Variants in NLRP4 observed in about 807,000 individuals in gnomAD.
The protein encoded by NLRP4 is NACHT, LRR and PYD domains-containing protein 4.
A neutral mutation model predicts 84.7 loss-of-function variants in NLRP4; 44 were observed. The ratio of observed to expected loss-of-function variants is 0.52; its 90% CI spans 0.41 to 0.67. The LOEUF is 0.67. Ranked by LOEUF, NLRP4 falls within the 30% of genes least tolerant of loss-of-function variation. NLRP4 has a pLI of 0.00. For synonymous variants in NLRP4, 544 were observed against 476.4 expected (o/e 1.14, Z -1.85); for missense variants, 1,260 against 1,219.4 (o/e 1.03, Z -0.50).
At position 55,853,837 on chromosome 19, in the gene NLRP4, C is replaced by T. The variant is rs1984282380; in HGVS notation, c.280+1477C>T. ...TTTCTTTCTTGCTGTCTCTTTCTCT[C>T]TCTCGTTCTGTCTTTCTCTCTCTTC... On this transcript the variant is annotated intron_variant, in intron 2 of 9. Coordinates refer to ENST00000301295, the MANE Select transcript of NLRP4 (RefSeq NM_134444.5). Among the ~76,000 whole-genome samples, 4 of 151,736 alleles carry T rather than the reference C, an allele frequency of 2.6e-5. No homozygotes were observed. The South Asian group carries it at 8.3e-4, about 32-fold the overall frequency.
intron 6 of NLRP4, 47 bp from the exon 7 acceptor site, chr19:55,870,780 A>C: frequency 7.1e-7 from 1 of 1,418,220 alleles, no homozygotes; most frequent in Non-Finnish European, 9.9e-7. Flanking sequence ...TCTCCCTGAG[A>C]CACCACGTCC....
intron 7 of NLRP4, among the ~76,000 whole-genome samples, chr19:55,874,250 A>G (rs1600242495): frequency 1.3e-5 from 2 of 152,192 alleles, no homozygotes; most frequent in Non-Finnish European, 2.9e-5. Context: ...ATTTAGCCAT[A>G]TATCAAACAT....
chr19:55,853,909 C>CTCTT (rs1163985562), intron 2 of NLRP4, among the ~76,000 whole-genome samples: 1 of 123,250 alleles, frequency 8.1e-6, no homozygotes, highest in African/African-American at 4.4e-5. Context: ...CTCTCTCTTT[C>CTCTT]TCTTTCTTTC....
At chr19:55,871,334 G>T (rs2123058839) in intron 7 of NLRP4, among the ~76,000 whole-genome samples, 1 of 152,300 alleles carries the variant, frequency 6.6e-6, no homozygotes, top group Non-Finnish European at 1.5e-5. Flanking sequence ...TTCATCAGGT[G>T]CAAAAATAAA....
In NLRP4 at chr19:55,857,659, C is replaced by G. The variant is rs1401586402; in HGVS notation, c.281-15C>G. 7.5e-6 allele frequency: 12 copies of G among 1,608,360 alleles called. No homozygotes were observed. The highest frequency in any genetic ancestry group is 1.0e-5 in the Non-Finnish European group (12 of 1,178,372). On this transcript the variant is annotated splice_polypyrimidine_tract_variant and intron_variant, in intron 2 of 9. Transcript: ENST00000301295. The stretch of plus-strand genomic sequence containing the variant: ...ACTTTGTGGGTTTTCTCTCCTCTTG[C>G]CCTCACTGACTCAGGATACACAAAG...
rs1457958362 is a variant in NLRP4 at position 55,836,750 on chromosome 19, G to A, written c.-250G>A. 2.1e-5 allele frequency: 3 copies of A among 141,854 alleles called. No individual in the cohort carries two copies. In the East Asian group the frequency reaches 6.3e-4, roughly 30 times the overall value. 8.8% of individuals were successfully genotyped at this position (141,854 alleles called of 1,614,324 possible). On this transcript the variant is annotated 5_prime_UTR_variant, in exon 1 of 10. Transcript: ENST00000301295. ...TCTCCAGTTAGTGGGGTAGATGAAC[G>A]CCCTGTGTTTATAAGGTGCCTCCCA...
intron 7 of NLRP4, among the ~76,000 whole-genome samples, chr19:55,874,193 G>A (rs1158790643): frequency 1.3e-5 from 2 of 152,086 alleles, no homozygotes; most frequent in African/African-American, 2.4e-5. Flanking sequence ...ATATTTGAAA[G>A]TAATTTTATA....
At chr19:55,877,584 G>T (rs1030483595) in intron 8 of NLRP4, among the ~76,000 whole-genome samples, 7 of 152,160 alleles carry the variant, frequency 4.6e-5, no homozygotes, top group African/African-American at 1.7e-4. Flanking sequence ...AAGTAGCATG[G>T]ACTGGGTGGC....
chr19:55,840,212 C>A (rs1276234649), intron 1 of NLRP4, among the ~76,000 whole-genome samples: 1 of 151,988 alleles, frequency 6.6e-6, no homozygotes, highest in Non-Finnish European at 1.5e-5. Flanking sequence ...CCTTTATTTT[C>A]TTTTTAACTT....
At chr19:55,877,494 A>G (rs1985418187) in intron 8 of NLRP4, among the ~76,000 whole-genome samples, 1 of 152,148 alleles carries the variant, frequency 6.6e-6, no homozygotes, top group Non-Finnish European at 1.5e-5. Context: ...TGACAGGTGT[A>G]ACTGGGCCAC....
intron 3 of NLRP4, among the ~76,000 whole-genome samples, chr19:55,860,705 G>C (rs1984716384): frequency 6.6e-6 from 1 of 152,216 alleles, no homozygotes. Context: ...AGGACATGGA[G>C]AGTTTTAGGG....
Position 55,852,031 on chromosome 19 carries a change from T to C in NLRP4, c.-50T>C, listed in dbSNP as rs765762980. 4 of 1,360,822 alleles carry C rather than the reference T, an allele frequency of 2.9e-6. No homozygotes were observed. Among genetic ancestry groups the C allele is most frequent in the Non-Finnish European group, 4.1e-6 (4 of 976,898 alleles). The allele number at this position is 1,360,822 out of a possible 1,614,324, so 84.3% of individuals were successfully genotyped here. A position where few individuals can be genotyped will look rare whatever the true frequency, so the allele number is the denominator to read the frequency against. ...TTTTCTACAGGTTTTATTTATTTAT[T>C]GTTCCTGGTCACTGTCTCTTTGAGG... On this transcript the variant is annotated 5_prime_UTR_variant, in exon 2 of 10. Coordinates refer to ENST00000301295, the MANE Select transcript of NLRP4 (RefSeq NM_134444.5).
At chr19:55,849,875 C>CGAGACT (rs1568657985) in intron 1 of NLRP4, among the ~76,000 whole-genome samples, 7 of 56,624 alleles carry the variant, frequency 1.2e-4, no homozygotes, top group African/African-American at 4.9e-4. Context: ...TTTCCGTGGC[C>CGAGACT]GCGGTGTAAT....
chr19:55,859,867 C>A (rs10412994), intron 3 of NLRP4, among the ~76,000 whole-genome samples: 4,484 of 119,010 alleles, frequency 0.038, 243 homozygotes, highest in African/African-American at 0.14. Flanking sequence ...GCAGAGGTTG[C>A]AGTGAGCTGA....
intron 1 of NLRP4, among the ~76,000 whole-genome samples, chr19:55,842,934 T>G (rs1983666116): frequency 2.0e-5 from 3 of 151,948 alleles, no homozygotes; most frequent in African/African-American, 4.8e-5. Context: ...TAATTTTTTG[T>G]GTATTTAGTA....
intron 1 of NLRP4, among the ~76,000 whole-genome samples, chr19:55,846,548 T>G (rs1174592954): frequency 6.6e-6 from 1 of 152,184 alleles, no homozygotes; most frequent in African/African-American, 2.4e-5. Context: ...GCGTCAAAAT[T>G]AACTGACATT....
chr19:55,860,726 G>A (rs1454781394), intron 3 of NLRP4, among the ~76,000 whole-genome samples: 2 of 152,196 alleles, frequency 1.3e-5, no homozygotes, highest in Non-Finnish European at 2.9e-5. Context: ...CTGAGCCTAG[G>A]CTGAAGATGT....
chr19:55,866,612 T>C (rs901588257), intron 5 of NLRP4, among the ~76,000 whole-genome samples: 4 of 151,646 alleles, frequency 2.6e-5, no homozygotes, highest in Non-Finnish European at 5.9e-5. Context: ...AAAAAAGGAG[T>C]CCTAGGGGAC....
intron 1 of NLRP4, among the ~76,000 whole-genome samples, chr19:55,847,872 G>A (rs1049626607): frequency 2.9e-4 from 44 of 151,812 alleles, no homozygotes; most frequent in African/African-American, 9.2e-4. Flanking sequence ...CTGCCACCAC[G>A]CCCGGCTAAT....
Sources: gnomAD v4.1 joint callset for allele counts (sites outside exome capture counted in the v4.1 genomes callset) on GRCh38, gnomAD v4.1.1 for gene constraint, MANE v1.5 for transcripts, NCBI Gene and HGNC (gene_info 2026-07-23, HGNC 2026-07-21) for gene names.